The following NTRK2 variants were observed in gnomAD, a reference collection of about 807,000 sequenced individuals.
The protein encoded by NTRK2 is neurotrophic receptor tyrosine kinase 2, also known as BDNF/NT-3 growth factors receptor.
In NTRK2, 13 loss-of-function variants were observed where a neutral mutation model predicts 94.5. The observed-to-expected ratio is 0.14, with a 90% CI of 0.09 to 0.22. The LOEUF (loss-of-function observed/expected upper bound fraction) is 0.22. NTRK2 is among the 10% of genes least tolerant of loss of function. The pLI is 1.00. For missense variants in NTRK2, 639 were observed against 1,071.2 expected (o/e 0.60, Z 5.63); for synonymous variants, 372 against 407.4 (o/e 0.91, Z 1.05).
chr9:84,893,587 A>T (rs775104857), intron 14 of NTRK2, among the ~76,000 whole-genome samples: 1 of 152,164 alleles, frequency 6.6e-6, no homozygotes, highest in African/African-American at 2.4e-5. Flanking sequence ...ACACCCATGC[A>T]GGCACTCACG....
At chr9:84,929,821 C>G (rs1309327367) in intron 14 of NTRK2, among the ~76,000 whole-genome samples, 1 of 152,180 alleles carries the variant, frequency 6.6e-6, no homozygotes, top group Non-Finnish European at 1.5e-5. Context: ...CTCGGCCTCC[C>G]AAAGTGCTGG....
At chr9:84,708,839 T>C (rs146570537) in intron 5 of NTRK2, among the ~76,000 whole-genome samples, 2 of 152,296 alleles carry the variant, frequency 1.3e-5, no homozygotes, top group African/African-American at 4.8e-5. Flanking sequence ...TGAGAATTAT[T>C]TGGAATAAAG....
At chr9:84,901,199 G>GTTTTTTATTTTA (rs550196757) in intron 14 of NTRK2, among the ~76,000 whole-genome samples, 29 of 131,644 alleles carry the variant, frequency 2.2e-4, no homozygotes, top group Admixed American at 2.2e-3. Flanking sequence ...GTTTTGTTTT[G>GTTTTTTATTTTA]TTTTGTTTTA....
upstream of NTRK2, chr9:84,669,472 G>A (rs2058559794): frequency 6.6e-6 from 1 of 152,160 alleles, no homozygotes; most frequent in Non-Finnish European, 1.5e-5. This position sits in a 1 kb window ranked among gnomAD's most constrained non-coding sequence, Gnocchi z 4.1. Context: ...ACACGCACGC[G>A]CGTGCATGTC....
At chr9:84,754,239 T>C (rs569781931) in intron 12 of NTRK2, among the ~76,000 whole-genome samples, 1 of 152,306 alleles carries the variant, frequency 6.6e-6, no homozygotes, top group East Asian at 1.9e-4. Context: ...ATACATATTG[T>C]ATGTTTTGTT....
chr9:84,913,991 A>T lies in NTRK2; in HGVS notation c.1634-20171A>T, dbSNP rs2077321179. On this transcript the variant is annotated intron_variant, in intron 14 of 18. Transcript: ENST00000277120. ...TCCATTTCTTTAGTTTTTCCAGTCC[A>T]TTTTCCTTCTGAAAAATTGAGTAAT... Among the ~76,000 whole-genome samples the T allele has an allele frequency of 3.3e-5, 5 of 151,568 alleles. No homozygotes were observed. In the South Asian group the frequency reaches 1.0e-3, roughly 32 times the overall value.
intron 12 of NTRK2, among the ~76,000 whole-genome samples, chr9:84,817,950 C>A (rs116535768): frequency 0.024 from 3,676 of 152,144 alleles, 127 homozygotes; most frequent in African/African-American, 0.076. Flanking sequence ...AAATGAGTGG[C>A]GTTGATGTAT....
rs535053744 is a variant in NTRK2 at position 84,899,366 on chromosome 9, G to T, written c.1633+31935G>T. Among the ~76,000 whole-genome samples, 30 of 152,168 alleles carry T rather than the reference G, an allele frequency of 2.0e-4. 1 individual carries two copies. The highest frequency in any genetic ancestry group is 2.9e-5 in the Non-Finnish European group (2 of 68,028). On this transcript the variant is annotated intron_variant, in intron 14 of 18. Coordinates refer to ENST00000277120, the MANE Select transcript of NTRK2 (RefSeq NM_006180.6). The stretch of plus-strand genomic sequence containing the variant: ...CAGGGTGTGTTTAAAATATCTGAAA[G>T]GGTGCCCAGAGGAATGGGTTTTATA...
intron 10 of NTRK2, among the ~76,000 whole-genome samples, chr9:84,742,816 T>TTTTTTTTTTC (rs1554713365): frequency 1.5e-5 from 2 of 136,750 alleles, no homozygotes; most frequent in African/African-American, 5.6e-5. Context: ...TTTTTTTTTT[T>TTTTTTTTTTC]CCGAGACGGA....
chr9:84,780,146 G>A (rs2067427836), intron 12 of NTRK2, among the ~76,000 whole-genome samples: 1 of 151,536 alleles, frequency 6.6e-6, no homozygotes, highest in Non-Finnish European at 1.5e-5. Flanking sequence ...TACAAGGGAA[G>A]AAAAAAAACC....
chr9:84,950,868 G>T (rs1221859108), intron 16 of NTRK2, among the ~76,000 whole-genome samples: 1 of 152,176 alleles, frequency 6.6e-6, no homozygotes, highest in Non-Finnish European at 1.5e-5. Context: ...TTGGTTGAGA[G>T]ATCTGAAATC....
chr9:84,979,910 T>G (rs1445477198), intron 17 of NTRK2, among the ~76,000 whole-genome samples: 1 of 152,218 alleles, frequency 6.6e-6, no homozygotes, highest in African/African-American at 2.4e-5. Context: ...AGCAATAAAG[T>G]GTTTTAAAAT....
chr9:84,772,535 A>G (rs1409465163), intron 12 of NTRK2, among the ~76,000 whole-genome samples: 1 of 152,190 alleles, frequency 6.6e-6, no homozygotes, highest in Non-Finnish European at 1.5e-5. Flanking sequence ...TTTACTGAGC[A>G]TGTACAATAT....
At chr9:84,809,252 A>G (rs191789522) in intron 12 of NTRK2, among the ~76,000 whole-genome samples, 56 of 152,176 alleles carry the variant, frequency 3.7e-4, no homozygotes, top group Admixed American at 9.8e-4. Flanking sequence ...TTATTTACTC[A>G]TCTTTCTCCT....
At chr9:84,771,549 A>C (rs747039690) in intron 12 of NTRK2, among the ~76,000 whole-genome samples, 6 of 152,188 alleles carry the variant, frequency 3.9e-5, no homozygotes, top group Non-Finnish European at 5.9e-5. Flanking sequence ...GCAAAAATAC[A>C]CAAAAGCCAT....
At position 84,753,042 on chromosome 9, in the gene NTRK2, C is replaced by T. The variant is rs1474382326; in HGVS notation, c.1396+957C>T. On this transcript the variant is annotated intron_variant, in intron 12 of 18. Transcript: ENST00000277120. ...GTTTCAGTAGCAATAAGTTGCCCAGCATACACTGACATCTGGGATAGAGCA... is the reference window on the plus strand; with the variant it reads ...GTTTCAGTAGCAATAAGTTGCCCAGTATACACTGACATCTGGGATAGAGCA... Among the ~76,000 whole-genome samples, 8 of 152,190 alleles carry T rather than the reference C, an allele frequency of 5.3e-5. No homozygotes were observed. In the East Asian group the frequency reaches 1.5e-3, roughly 29 times the overall value.
intron 12 of NTRK2, chr9:84,813,865 T>C (rs2072083973): frequency 9.4e-7 from 1 of 1,065,440 alleles, no homozygotes; most frequent in Non-Finnish European, 1.1e-6. Flanking sequence ...GTCCACGTCC[T>C]ATATCTTATT....
At chr9:84,935,382 T>G (rs80238144) in intron 15 of NTRK2, among the ~76,000 whole-genome samples, 5,113 of 152,318 alleles carry the variant, frequency 0.034, 124 homozygotes, top group Admixed American at 0.048. Flanking sequence ...ATAAAATTAT[T>G]CTTGGAGTCA....
chr9:84,987,815 T>C (rs1180257079), intron 17 of NTRK2, among the ~76,000 whole-genome samples: 1 of 152,224 alleles, frequency 6.6e-6, no homozygotes, highest in African/African-American at 2.4e-5. Flanking sequence ...TTTTATTGTA[T>C]TTTCCTTATA....
Sources: allele counts gnomAD v4.1 joint callset (sites outside exome capture counted in the v4.1 genomes callset), GRCh38; gene constraint gnomAD v4.1.1; non-coding constraint Gnocchi (gnomAD v3.1); transcripts MANE v1.5; gene names NCBI Gene and HGNC (gene_info 2026-07-23, HGNC 2026-07-21).